The following SLC2A12 variants were observed in gnomAD, a reference collection of about 807,000 sequenced individuals.
The protein encoded by SLC2A12 is solute carrier family 2, facilitated glucose transporter member 12.
SLC2A12 carries 23 observed loss-of-function variants against 41.8 expected under a neutral mutation model. The observed-to-expected ratio is 0.55, with a 90% CI of 0.40 to 0.78. SLC2A12 has a LOEUF of 0.78. SLC2A12 is among the 30% of genes least tolerant of loss of function. SLC2A12 has a pLI of 0.00. For missense variants in SLC2A12, 654 were observed against 745.6 expected, an observed-to-expected ratio of 0.88 and a Z score of 1.43; for synonymous variants, 295 against 285.9, an observed-to-expected ratio of 1.03 and a Z score of -0.32.
At chr6:134,000,927 T>C (rs1473247938) in intron 4 of SLC2A12, among the ~76,000 whole-genome samples, 1 of 152,176 alleles carries the variant, frequency 6.6e-6, no homozygotes, top group Non-Finnish European at 1.5e-5. Flanking sequence ...AATCTTAGCC[T>C]TAGCAAGTGT....
At chr6:134,036,314 T>G (rs927284599) in intron 1 of SLC2A12, among the ~76,000 whole-genome samples, 10 of 152,198 alleles carry the variant, frequency 6.6e-5, no homozygotes, top group Admixed American at 6.5e-4. Flanking sequence ...CTTGCAGCTA[T>G]GGCCTGCCCT....
At chr6:134,050,770 C>T (rs1773670968) in intron 1 of SLC2A12, among the ~76,000 whole-genome samples, 2 of 152,208 alleles carry the variant, frequency 1.3e-5, no homozygotes, top group South Asian at 2.1e-4. Context: ...GAGAAAAGAA[C>T]TTTGCAACTC....
At chr6:134,027,670 C>T (rs1394508223) in intron 2 of SLC2A12, among the ~76,000 whole-genome samples, 1 of 152,130 alleles carries the variant, frequency 6.6e-6, no homozygotes, top group African/African-American at 2.4e-5. Flanking sequence ...AAGAGAACTA[C>T]AACAAACAGC....
intron 1 of SLC2A12, among the ~76,000 whole-genome samples, chr6:134,031,954 G>C (rs1281891949): frequency 1.3e-5 from 2 of 152,172 alleles, no homozygotes; most frequent in Non-Finnish European, 2.9e-5. Context: ...GAAGACTAGT[G>C]CCAGCAAAGG....
At chr6:134,014,306 C>T (rs1250631029) in intron 2 of SLC2A12, among the ~76,000 whole-genome samples, 1 of 152,180 alleles carries the variant, frequency 6.6e-6, no homozygotes, top group African/African-American at 2.4e-5. Flanking sequence ...CACTTGCTCA[C>T]CCATAGCTCA....
rs1245248675 is a variant in SLC2A12 at position 133,987,627 on chromosome 6, TG to T, written c.*3527del. The T allele has an allele frequency of 4.7e-5, 2 of 42,922 alleles. No homozygotes were observed. The highest frequency in any genetic ancestry group is 1.5e-4 in the Non-Finnish European group (2 of 13,688). 2.7% of individuals were successfully genotyped at this position (42,922 alleles called of 1,614,324 possible). A position where few individuals can be genotyped will look rare whatever the true frequency, so the allele number is the denominator to read the frequency against. On this transcript the variant is annotated 3_prime_UTR_variant, in exon 5 of 5. Coordinates refer to ENST00000275230, the MANE Select transcript of SLC2A12 (RefSeq NM_145176.3). Reference sequence around the variant, plus strand: ...TGGCTTCTTTTTGAAGTGTATTTTGTGTGTGTGTGTGTGTGTGTGTGTATAT... The same window carrying T: ...TGGCTTCTTTTTGAAGTGTATTTTGTTGTGTGTGTGTGTGTGTGTGTATAT...
At position 134,028,648 on chromosome 6, in the gene SLC2A12, C is replaced by T. The variant is rs766219010; in HGVS notation, c.1177G>A (p.Gly393Arg). 1.9e-6 allele frequency: 3 copies of T among 1,614,178 alleles called. No homozygotes were observed. The highest frequency in any genetic ancestry group is 4.5e-5 in the East Asian group (2 of 44,882). ...TTGTTGGTTGACAGGTTTCCTGGTC[C>T]ATAAATCACAGACTCATCCAAGGAC... ...NQSLDESVIY[G>R]PGNLSTNNNT... is the part of the protein sequence containing the mutation. The change falls in exon 2 of 5, where the codon GGA (glycine) becomes AGA (arginine). Residue 393 changes from glycine (G) to arginine (R), a missense_variant. Coordinates refer to ENST00000275230, the MANE Select transcript of SLC2A12 (RefSeq NM_145176.3).
intron 1 of SLC2A12, among the ~76,000 whole-genome samples, chr6:134,034,596 T>A (rs940739639): frequency 6.6e-6 from 1 of 152,210 alleles, no homozygotes; most frequent in East Asian, 1.9e-4. Flanking sequence ...CAAGATGCTA[T>A]CCTATGGATG....
intron 2 of SLC2A12, among the ~76,000 whole-genome samples, chr6:134,017,988 G>T (rs1344616834): frequency 1.3e-5 from 2 of 151,988 alleles, no homozygotes; most frequent in Non-Finnish European, 1.5e-5. Flanking sequence ...CCTCTGGACT[G>T]CAGGTGACCT....
chr6:134,003,680 C>T (rs770952653), intron 3 of SLC2A12, among the ~76,000 whole-genome samples: 9 of 152,182 alleles, frequency 5.9e-5, no homozygotes, highest in Non-Finnish European at 1.3e-4. Context: ...GCTCTTCAAC[C>T]ATTCTTCCCA....
intron 1 of SLC2A12, 128 bp downstream of exon 1, chr6:134,052,250 T>TACACACACACGC: frequency 2.7e-6 from 1 of 370,000 alleles, no homozygotes; most frequent in Non-Finnish European, 4.8e-6. Context: ...CGCGCGCGCA[T>TACACACACACGC]ACACACACAC....
chr6:134,026,453 AAAAAT>A (rs1341500126), intron 2 of SLC2A12, among the ~76,000 whole-genome samples: 15 of 152,348 alleles, frequency 9.8e-5, no homozygotes, highest in African/African-American at 3.4e-4. Context: ...AAAATGTAAT[AAAAAT>A]AAAATAAAGA....
chr6:134,044,753 A>ATTT (rs34896875), intron 1 of SLC2A12, among the ~76,000 whole-genome samples: 32 of 147,360 alleles, frequency 2.2e-4, no homozygotes, highest in African/African-American at 8.1e-4. Context: ...TCTTAGATAC[A>ATTT]TTTTTTTTTA....
chr6:133,996,991 A>C (rs1303213648), intron 4 of SLC2A12, among the ~76,000 whole-genome samples: 2 of 151,148 alleles, frequency 1.3e-5, no homozygotes, highest in Non-Finnish European at 2.9e-5. Context: ...GCATGAATAG[A>C]AGTTAACCAG....
At chr6:134,050,543 T>C (rs1773660571) in intron 1 of SLC2A12, among the ~76,000 whole-genome samples, 1 of 152,228 alleles carries the variant, frequency 6.6e-6, no homozygotes, top group South Asian at 2.1e-4. Flanking sequence ...ATTGTGAATT[T>C]GTACAATATA....
intron 1 of SLC2A12, among the ~76,000 whole-genome samples, chr6:134,038,013 C>A (rs1777327180): frequency 6.6e-6 from 1 of 152,170 alleles, no homozygotes; most frequent in Non-Finnish European, 1.5e-5. Flanking sequence ...CTATCTCCCA[C>A]CCCTCCCCTG....
At chr6:133,995,650 C>T (rs901139624) in intron 4 of SLC2A12, among the ~76,000 whole-genome samples, 3 of 152,220 alleles carry the variant, frequency 2.0e-5, no homozygotes, top group Non-Finnish European at 2.9e-5. Context: ...ACTAGAATCG[C>T]ATGCTTTCCC....
intron 4 of SLC2A12, among the ~76,000 whole-genome samples, chr6:133,993,952 G>A (rs1406464916): frequency 6.6e-6 from 1 of 152,148 alleles, no homozygotes; most frequent in African/African-American, 2.4e-5. Flanking sequence ...CTGGAGGATT[G>A]GAGCAAAAGA....
At chr6:134,013,290 A>T (rs1776912740) in intron 2 of SLC2A12, among the ~76,000 whole-genome samples, 1 of 152,044 alleles carries the variant, frequency 6.6e-6, no homozygotes, top group Non-Finnish European at 1.5e-5. Context: ...TCTGTCTCAA[A>T]CAATAATATT....
Sources: gnomAD v4.1 joint callset for allele counts (sites outside exome capture counted in the v4.1 genomes callset) on GRCh38, gnomAD v4.1.1 for gene constraint, MANE v1.5 for transcripts, NCBI Gene and HGNC (gene_info 2026-07-23, HGNC 2026-07-21) for gene names.